The following CYB5B variants were observed in gnomAD, a reference collection of about 807,000 sequenced individuals.
CYB5B encodes the protein cytochrome b5 type B.
Under a neutral mutation model 21.3 loss-of-function variants are expected in CYB5B, and 14 were observed. The observed-to-expected ratio is 0.66, with a 90% confidence interval of 0.43 to 1.03. The LOEUF is 1.03. CYB5B is among the 50% of genes least tolerant of loss of function. The pLI is 0.00. For synonymous variants in CYB5B, 69 were observed against 68.4 expected, an observed-to-expected ratio of 1.01 and a Z score of -0.04; for missense variants, 166 against 185.1, an observed-to-expected ratio of 0.90 and a Z score of 0.60.
intron 1 of CYB5B, among the ~76,000 whole-genome samples, chr16:69,438,950 T>A (rs1485873974): frequency 6.6e-6 from 1 of 152,200 alleles, no homozygotes; most frequent in Admixed American, 6.6e-5. Context: ...AAAGTTTTTA[T>A]TCTGATGGAG....
chr16:69,462,357 G>A, intron 4 of CYB5B, 73 bp from the exon 5 acceptor site: 2 of 1,240,992 alleles, frequency 1.6e-6, no homozygotes, highest in Admixed American at 1.7e-5. Flanking sequence ...ATAAAAACAT[G>A]TGAAAGCTGA....
At chr16:69,432,645 A>G (rs1489786597) in intron 1 of CYB5B, among the ~76,000 whole-genome samples, 1 of 152,154 alleles carries the variant, frequency 6.6e-6, no homozygotes, top group Non-Finnish European at 1.5e-5. Flanking sequence ...AGTGCTTATT[A>G]TTCTAAGTGC....
In CYB5B at chr16:69,424,688, C is replaced by A. The variant is rs117949766; in HGVS notation, c.5C>A (p.Ser2Tyr). The change falls in exon 1 of 5, where the codon TCC becomes TAC. Residue 2 changes from serine (S) to tyrosine (Y), a missense_variant. Ser to Tyr is a moderately radical substitution (Grantham distance 144). Coordinates refer to ENST00000307892, the MANE Select transcript of CYB5B (RefSeq NM_030579.3). ...AGTTAGCGGTGGAGAGGCAGTATGT[C>A]CGGTTCAATGGCGACTGCGGAAGCT... is the stretch of plus-strand genomic sequence containing the variant. The part of the protein sequence containing the change: M[S>Y]GSMATAEASG... 3 of 1,574,358 alleles carry A rather than the reference C, an allele frequency of 1.9e-6. No homozygotes were observed. The highest frequency in any genetic ancestry group is 1.4e-5 in the African/African-American group (1 of 73,370).
intron 1 of CYB5B, chr16:69,443,904 G>T: frequency 6.4e-6 from 1 of 155,186 alleles, no homozygotes; most frequent in Admixed American, 6.5e-5. Flanking sequence ...AGGGTCAGTG[G>T]AAATAGGACC....
chr16:69,452,483 C>G (rs2142824029), intron 3 of CYB5B, among the ~76,000 whole-genome samples: 1 of 151,966 alleles, frequency 6.6e-6, no homozygotes, highest in South Asian at 2.1e-4. Flanking sequence ...GAGTTCGAGA[C>G]CAGCCCGGCC....
At chr16:69,432,368 G>A (rs929240579) in intron 1 of CYB5B, among the ~76,000 whole-genome samples, 1 of 152,118 alleles carries the variant, frequency 6.6e-6, no homozygotes, top group Non-Finnish European at 1.5e-5. Flanking sequence ...ACATGAAATA[G>A]TCAGCACTTT....
intron 4 of CYB5B, 93 bp downstream of exon 4, chr16:69,459,214 T>A (rs772062843): frequency 9.7e-6 from 14 of 1,447,756 alleles, no homozygotes; most frequent in Non-Finnish European, 1.3e-5. Flanking sequence ...AACTTATGAG[T>A]GCAGTTTGAC....
intron 1 of CYB5B, among the ~76,000 whole-genome samples, chr16:69,432,085 G>A (rs2014711469): frequency 1.3e-5 from 2 of 152,286 alleles, no homozygotes; most frequent in Admixed American, 1.3e-4. Context: ...AAGAAGCTGT[G>A]TCTATAGTGA....
intron 3 of CYB5B, among the ~76,000 whole-genome samples, chr16:69,454,227 C>G (rs1320171112): frequency 1.3e-5 from 2 of 152,058 alleles, no homozygotes; most frequent in Non-Finnish European, 2.9e-5. Context: ...GTTTTAGGGG[C>G]TGTTTTTCAT....
At chr16:69,426,118 G>A (rs1456453874) in intron 1 of CYB5B, among the ~76,000 whole-genome samples, 1 of 152,130 alleles carries the variant, frequency 6.6e-6, no homozygotes, top group Non-Finnish European at 1.5e-5. Context: ...AGTGCTTTCC[G>A]GTCGGGCGCG....
intron 2 of CYB5B, 126 bp downstream of exon 2, chr16:69,447,404 T>C (rs2014888684): frequency 1.5e-5 from 20 of 1,302,674 alleles, no homozygotes; most frequent in Admixed American, 1.2e-4. Flanking sequence ...TACTTTGGGA[T>C]GCCAAGGCAG....
At chr16:69,450,051 A>G (rs1029911522) in intron 3 of CYB5B, 1 of 151,992 alleles carries the variant, frequency 6.6e-6, no homozygotes, top group Admixed American at 6.6e-5. Flanking sequence ...CCCTGTCTCT[A>G]TTTTTTAAAA....
chr16:69,445,752 T>C (rs1352286561), intron 1 of CYB5B, among the ~76,000 whole-genome samples: 2 of 152,018 alleles, frequency 1.3e-5, no homozygotes, highest in African/African-American at 4.8e-5. Context: ...TCACCTGAGA[T>C]TGGGAGTTCG....
chr16:69,435,730 C>A (rs573050458), intron 1 of CYB5B, among the ~76,000 whole-genome samples: 3 of 152,040 alleles, frequency 2.0e-5, no homozygotes, highest in African/African-American at 7.2e-5. Context: ...CTCTGCCTCC[C>A]GGGTTCAAGC....
intron 3 of CYB5B, 105 bp downstream of exon 3, chr16:69,448,249 T>G (rs1025244913): frequency 7.4e-7 from 1 of 1,351,230 alleles, no homozygotes; most frequent in Non-Finnish European, 1.0e-6. Flanking sequence ...AGTATTTACT[T>G]TTTCCCCAAG....
At chr16:69,433,012 G>A (rs147405133) in intron 1 of CYB5B, among the ~76,000 whole-genome samples, 85 of 152,196 alleles carry the variant, frequency 5.6e-4, no homozygotes, top group African/African-American at 1.9e-3. Context: ...TGGCCGGGCT[G>A]GTCTCAAACT....
intron 4 of CYB5B, chr16:69,459,345 T>C (rs760711134): frequency 1.1e-4 from 53 of 490,964 alleles, no homozygotes; most frequent in Non-Finnish European, 1.6e-4. Context: ...TGAGTCATTT[T>C]TTAATCTTAT....
chr16:69,431,618 G>A (rs374093400), intron 1 of CYB5B, among the ~76,000 whole-genome samples: 23 of 151,894 alleles, frequency 1.5e-4, no homozygotes, highest in African/African-American at 4.4e-4. Flanking sequence ...CAAAAAATAC[G>A]AAAATTAGAC....
chr16:69,442,658 G>A (rs1288731303), intron 1 of CYB5B, among the ~76,000 whole-genome samples: 1 of 151,902 alleles, frequency 6.6e-6, no homozygotes, highest in East Asian at 1.9e-4. Flanking sequence ...CAGGACTACA[G>A]GCCACCATGC....
Sources: gnomAD v4.1 joint callset for allele counts (sites outside exome capture counted in the v4.1 genomes callset) on GRCh38, gnomAD v4.1.1 for gene constraint, MANE v1.5 for transcripts, NCBI Gene and HGNC (gene_info 2026-07-23, HGNC 2026-07-21) for gene names.